PKD2: variants seen among roughly 807,000 people sequenced by gnomAD.
PKD2 encodes the protein polycystin 2, transient receptor potential cation channel.
A neutral mutation model predicts 105.9 loss-of-function variants in PKD2; 48 were observed. The observed-to-expected ratio is 0.45, with a 90% CI of 0.36 to 0.58. PKD2 has a LOEUF of 0.58. Among genes scored for constraint, PKD2 ranks in the 20% least tolerant of loss-of-function variants. The pLI is 0.00. For missense variants in PKD2, 1,078 were observed against 1,255.3 expected (o/e 0.86, Z 2.13); for synonymous variants, 464 against 481.1 (o/e 0.96, Z 0.46).
rs1255557802 is a variant in PKD2 at position 88,065,826 on chromosome 4, G to C, written c.2305G>C (p.Glu769Gln). ...AAAGTACGACCAAGATGGAGACCAA[G>C]AACTGACCGAACATGAACATCAGCA... ...FTKYDQDGDQ[E>Q]LTEHEHQQMR... The change falls in exon 12 of 15, where the codon GAA becomes CAA. Residue 769 changes from glutamate to glutamine, a missense_variant. Transcript: ENST00000237596. The C allele has an allele frequency of 6.2e-7, 1 of 1,613,816 alleles. No individual in the cohort carries two copies. The highest frequency in any genetic ancestry group is 1.1e-5 in the South Asian group (1 of 91,070).
chr4:88,063,185 A>C (rs563018245), intron 10 of PKD2, among the ~76,000 whole-genome samples: 7 of 152,308 alleles, frequency 4.6e-5, no homozygotes, highest in African/African-American at 9.6e-5. Flanking sequence ...ACAAACAAAG[A>C]AAGCATGTAG....
chr4:88,027,733 G>A (rs1436184634), intron 2 of PKD2, among the ~76,000 whole-genome samples: 1 of 152,126 alleles, frequency 6.6e-6, no homozygotes, highest in Admixed American at 6.5e-5. Flanking sequence ...GGAGGGACCT[G>A]ATGGGAGGTG....
chr4:88,070,601 T>TATATAGAG (rs1313482750), intron 13 of PKD2, among the ~76,000 whole-genome samples: 1,368 of 91,340 alleles, frequency 0.015, 16 homozygotes, highest in Non-Finnish European at 0.022. Flanking sequence ...TATATATATA[T>TATATAGAG]AGAGAGAGAG....
At chr4:88,030,800 C>T (rs1392131336) in intron 2 of PKD2, among the ~76,000 whole-genome samples, 2 of 152,200 alleles carry the variant, frequency 1.3e-5, no homozygotes, top group African/African-American at 2.4e-5. Context: ...CTCTCAGTGC[C>T]GACACCTGGA....
intron 8 of PKD2, among the ~76,000 whole-genome samples, 177 bp from the exon 9 acceptor site, chr4:88,057,806 T>C (rs1374182931): frequency 6.6e-6 from 1 of 152,206 alleles, no homozygotes; most frequent in Non-Finnish European, 1.5e-5. Flanking sequence ...GCAGAAGGCT[T>C]TAATTGCTGA....
chr4:88,068,156 C>G, intron 13 of PKD2, 95 bp downstream of exon 13: 4 of 1,009,038 alleles, frequency 4.0e-6, no homozygotes, highest in Non-Finnish European at 6.3e-6. Flanking sequence ...CTTTCCATTA[C>G]TAATCATCCA....
intron 2 of PKD2, among the ~76,000 whole-genome samples, chr4:88,031,781 A>C (rs1276418134): frequency 1.3e-5 from 2 of 152,124 alleles, no homozygotes; most frequent in African/African-American, 2.4e-5. Context: ...TAATTGTTTT[A>C]TTACTAACAG....
chr4:88,075,756 AACAAGCAC>A lies in PKD2; in HGVS notation c.*65_*72del. On this transcript the variant is annotated 3_prime_UTR_variant, in exon 15 of 15. Transcript: ENST00000237596. ...GGAAGTGGCTGTCCTGAATTGCTGTAACAAGCACACTATTTATATGCCCTGACCACCAT... is the reference window on the plus strand; with the variant it reads ...GGAAGTGGCTGTCCTGAATTGCTGTAACTATTTATATGCCCTGACCACCAT... 2 of 1,150,784 alleles carry A rather than the reference AACAAGCAC, an allele frequency of 1.7e-6. No homozygotes were observed. Among genetic ancestry groups the A allele is most frequent in the Non-Finnish European group, 2.6e-6 (2 of 767,474 alleles). 71.3% of individuals were successfully genotyped at this position (1,150,784 alleles called of 1,614,324 possible). A position where few individuals can be genotyped will look rare whatever the true frequency, so the allele number is the denominator to read the frequency against.
At chr4:88,041,765 C>T (rs778205559) in intron 4 of PKD2, among the ~76,000 whole-genome samples, 8 of 152,196 alleles carry the variant, frequency 5.3e-5, no homozygotes, top group South Asian at 2.1e-4. Context: ...CCTCTCTTAC[C>T]GGTCAGGGAA....
At chr4:88,073,664 C>T (rs1345176487) in intron 13 of PKD2, among the ~76,000 whole-genome samples, 1 of 152,142 alleles carries the variant, frequency 6.6e-6, no homozygotes, top group Non-Finnish European at 1.5e-5. Flanking sequence ...TGAAGTTGTG[C>T]TTCTATCACA....
At chr4:88,070,597 T>TAGAGAGAGAGAG (rs1359028384) in intron 13 of PKD2, among the ~76,000 whole-genome samples, 4 of 99,146 alleles carry the variant, frequency 4.0e-5, no homozygotes, top group Non-Finnish European at 4.0e-5. Context: ...TATATATATA[T>TAGAGAGAGAGAG]ATATAGAGAG....
chr4:88,074,774 C>A (rs372342758), intron 13 of PKD2, 38 bp from the exon 14 acceptor site: 130 of 1,612,222 alleles, frequency 8.1e-5, no homozygotes, highest in Admixed American at 2.8e-4. Flanking sequence ...AAGACAATGA[C>A]AAGCACTTTG....
chr4:88,060,456 A>ATATATC (rs962988624), intron 9 of PKD2, among the ~76,000 whole-genome samples: 1 of 151,140 alleles, frequency 6.6e-6, no homozygotes, highest in Admixed American at 6.6e-5. Flanking sequence ...ATATATATAT[A>ATATATC]TCATATATAC....
At chr4:88,061,642 A>T (rs1172279271) in intron 9 of PKD2, among the ~76,000 whole-genome samples, 1 of 151,968 alleles carries the variant, frequency 6.6e-6, no homozygotes, top group Non-Finnish European at 1.5e-5. Context: ...GGAGGCTGAG[A>T]CTCAAGAATT....
chr4:88,070,816 G>A (rs142890832), intron 13 of PKD2, among the ~76,000 whole-genome samples: 1 of 151,560 alleles, frequency 6.6e-6, no homozygotes, highest in Non-Finnish European at 1.5e-5. Flanking sequence ...AAAAAAATTT[G>A]TAGAGATGGC....
Position 88,046,798 on chromosome 4 carries a change from A to C in PKD2, c.1476A>C (p.Ile492=), listed in dbSNP as rs1249795118. 5.0e-6 allele frequency: 8 copies of C among 1,611,992 alleles called. No homozygotes were observed. The highest frequency in any genetic ancestry group is 6.8e-6 in the Non-Finnish European group (8 of 1,178,044). ...TCTTTTACTATGTGGTGGAAGAGAT[A>C]TTGGAAATTCGCATTCACAAACTAC... ...FFIFYYVVEE[I]LEIRIHKLHY... Residue 492 remains isoleucine, a synonymous_variant, in exon 6 of 15, where the codon ATA becomes ATC. Coordinates refer to ENST00000237596, the MANE Select transcript of PKD2 (RefSeq NM_000297.4).
At chr4:88,041,329 T>G (rs996531941) in intron 4 of PKD2, among the ~76,000 whole-genome samples, 4 of 152,124 alleles carry the variant, frequency 2.6e-5, no homozygotes, top group Non-Finnish European at 4.4e-5. Context: ...TCAGGCCTCA[T>G]TACCTCTTGG....
At chr4:88,074,477 C>T (rs1022974011) in intron 13 of PKD2, among the ~76,000 whole-genome samples, 9 of 152,032 alleles carry the variant, frequency 5.9e-5, no homozygotes, top group African/African-American at 2.2e-4. Context: ...TTCAATGATC[C>T]GCGATTAAGA....
At chr4:88,012,964 T>G (rs1726438321) in intron 1 of PKD2, among the ~76,000 whole-genome samples, 1 of 152,182 alleles carries the variant, frequency 6.6e-6, no homozygotes, top group Non-Finnish European at 1.5e-5. Flanking sequence ...TGAAATACTA[T>G]TTCATCATAA....
Sources: allele counts gnomAD v4.1 joint callset (sites outside exome capture counted in the v4.1 genomes callset), GRCh38; gene constraint gnomAD v4.1.1; transcripts MANE v1.5; gene names NCBI Gene and HGNC (gene_info 2026-07-23, HGNC 2026-07-21).